The following BMPER variants were observed in gnomAD, a reference collection of about 807,000 sequenced individuals.
BMPER encodes BMP binding endothelial regulator, also known as BMP-binding endothelial regulator protein.
In BMPER, 45 loss-of-function variants were observed where a neutral mutation model predicts 87.3. The observed-to-expected ratio is 0.52, with a 90% CI of 0.41 to 0.66. The LOEUF (loss-of-function observed/expected upper bound fraction) is 0.66, where lower values mean the gene tolerates loss of function less well. BMPER is among the 30% of genes least tolerant of loss of function. BMPER has a pLI of 0.00. For synonymous variants in BMPER, 326 were observed against 316.2 expected, an observed-to-expected ratio of 1.03 and a Z score of -0.33; for missense variants, 784 against 867.5, an observed-to-expected ratio of 0.90 and a Z score of 1.21.
chr7:34,052,011 G>C (rs1788158255), intron 8 of BMPER, 41 bp downstream of exon 8: 1 of 1,547,948 alleles, frequency 6.5e-7, no homozygotes, highest in Admixed American at 1.7e-5. Flanking sequence ...CAATGATAGG[G>C]TTTGGGTTTC....
chr7:34,055,398 T>C, intron 9 of BMPER, 95 bp downstream of exon 9: 1 of 1,477,310 alleles, frequency 6.8e-7, no homozygotes, highest in Non-Finnish European at 9.4e-7. Context: ...TCCCATAATT[T>C]CTATATACAT....
intron 14 of BMPER, among the ~76,000 whole-genome samples, chr7:34,144,138 C>T (rs1403806591): frequency 6.6e-6 from 1 of 152,132 alleles, no homozygotes. Flanking sequence ...GATGATATTT[C>T]AGCCTAGCCC....
chr7:33,962,575 G>A (rs984386443), intron 3 of BMPER, among the ~76,000 whole-genome samples: 2 of 152,156 alleles, frequency 1.3e-5, no homozygotes, highest in Non-Finnish European at 2.9e-5. Context: ...AACCCAAGAT[G>A]TCTCCTAATG....
chr7:33,988,215 G>A (rs940364561), intron 6 of BMPER, among the ~76,000 whole-genome samples: 4 of 152,134 alleles, frequency 2.6e-5, no homozygotes, highest in African/African-American at 9.7e-5. Flanking sequence ...ACCAGTTGGG[G>A]TGATGAATGT....
At chr7:33,946,092 C>G (rs1378912867) in intron 3 of BMPER, among the ~76,000 whole-genome samples, 1 of 152,134 alleles carries the variant, frequency 6.6e-6, no homozygotes, top group Non-Finnish European at 1.5e-5. Flanking sequence ...CTAGGGAGGC[C>G]TCAGGAAAAG....
chr7:34,150,963 A>G (rs112082040), intron 14 of BMPER, among the ~76,000 whole-genome samples: 8 of 152,326 alleles, frequency 5.3e-5, no homozygotes, highest in African/African-American at 1.9e-4. Context: ...CAATCAAGGA[A>G]CATCCATCCC....
intron 2 of BMPER, chr7:33,921,928 C>A (rs1338661636): frequency 2.2e-6 from 1 of 453,956 alleles, no homozygotes; most frequent in Non-Finnish European, 4.6e-6. Context: ...CACCCCAACC[C>A]CTTCGACTCC....
rs551217598 is a variant in BMPER, at chr7:34,080,140, A to G, written c.1408+954A>G. 1.4e-3 allele frequency among the ~76,000 whole-genome samples: 211 copies of G among 152,300 alleles called. 1 individual carries two copies. Among genetic ancestry groups the G allele is most frequent in the African/African-American group, 4.8e-3 (201 of 41,548 alleles). ...AAAGCATGATACTTCTAAGGAAATC[A>G]GTGTATTTCTTGCTGTTTGCATTGA... On this transcript the variant is annotated intron_variant, in intron 12 of 14. Coordinates refer to ENST00000649409, the MANE Select transcript of BMPER (RefSeq NM_001365308.1).
Position 34,078,968 on chromosome 7 carries a change from C to T in BMPER, c.1190C>T (p.Pro397Leu). ...QYVLTKDCSS[P>L]ASPFQVLVKN... The stretch of plus-strand genomic sequence containing the variant: ...GTTTTGACAAAAGACTGCTCCTCCC[C>T]TGCCTCGCCCTTCCAGGTGCTGGTG... The change falls in exon 12 of 15, where the codon CCT (proline) becomes CTT (leucine). Residue 397 changes from proline to leucine, a missense_variant. Physicochemically the swap from Pro to Leu is moderately conservative, Grantham distance 98. Transcript: ENST00000649409. 6.2e-7 allele frequency: 1 copy of T among 1,614,262 alleles called. No homozygotes were observed. The highest frequency in any genetic ancestry group is 8.5e-7 in the Non-Finnish European group (1 of 1,180,052).
chr7:34,077,204 T>C (rs1183002209), intron 11 of BMPER, among the ~76,000 whole-genome samples: 1 of 152,088 alleles, frequency 6.6e-6, no homozygotes, highest in Non-Finnish European at 1.5e-5. Flanking sequence ...AAATGTGGGA[T>C]AGGATGATTT....
At chr7:33,990,660 G>T (rs1786183234) in intron 6 of BMPER, among the ~76,000 whole-genome samples, 1 of 150,500 alleles carries the variant, frequency 6.6e-6, no homozygotes, top group Non-Finnish European at 1.5e-5. Context: ...ATGTTGAATA[G>T]GAGTGGTGAG....
chr7:34,053,604 A>G (rs1185223819), intron 8 of BMPER, among the ~76,000 whole-genome samples: 2 of 152,252 alleles, frequency 1.3e-5, no homozygotes, highest in Non-Finnish European at 2.9e-5. Context: ...ATAATGAAGT[A>G]AGCTAGAGAA....
chr7:33,949,186 C>G (rs1449488774), intron 3 of BMPER, among the ~76,000 whole-genome samples: 12 of 152,040 alleles, frequency 7.9e-5, no homozygotes, highest in African/African-American at 2.2e-4. Context: ...CTGCTTATTA[C>G]TGCAGCAGTG....
intron 6 of BMPER, among the ~76,000 whole-genome samples, chr7:33,989,545 T>C (rs1159693461): frequency 2.8e-4 from 42 of 152,210 alleles, no homozygotes; most frequent in Admixed American, 2.7e-3. Context: ...GTTGCGAAAT[T>C]TTTCTCCCAT....
chr7:33,956,320 A>G (rs1480999730), intron 3 of BMPER, among the ~76,000 whole-genome samples: 1 of 152,244 alleles, frequency 6.6e-6, no homozygotes, highest in Non-Finnish European at 1.5e-5. Flanking sequence ...AAAGATATGA[A>G]GAGACATTTC....
In BMPER at chr7:34,079,038, G is replaced by C; in HGVS notation, c.1260G>C (p.Ser420=). The C allele has an allele frequency of 6.2e-7, 1 of 1,614,200 alleles. No homozygotes were observed. Among genetic ancestry groups the C allele is most frequent in the South Asian group, 1.1e-5 (1 of 91,084 alleles). Residue 420 remains serine, a synonymous_variant, in exon 12 of 15, where the codon TCG becomes TCC. Transcript: ENST00000649409. ...CACGCTCCTTCTCGTGGACCAAGTC[G>C]GTGGAGCTGGTGCTGGGCGAGAGCA... ...RRTRSFSWTK[S]VELVLGESRV...
chr7:34,007,885 T>C (rs960504714), intron 6 of BMPER, among the ~76,000 whole-genome samples: 1 of 151,970 alleles, frequency 6.6e-6, no homozygotes, highest in Non-Finnish European at 1.5e-5. Context: ...GTGAAACTGC[T>C]CTTTTTGAAG....
At chr7:33,954,237 G>A (rs1299192333) in intron 3 of BMPER, among the ~76,000 whole-genome samples, 2 of 152,018 alleles carry the variant, frequency 1.3e-5, no homozygotes, top group African/African-American at 4.8e-5. Flanking sequence ...TGTGACTGTT[G>A]GTATGCTTAA....
At chr7:33,966,664 G>C in intron 4 of BMPER, 103 bp downstream of exon 4, 13 of 1,110,880 alleles carry the variant, frequency 1.2e-5, no homozygotes, top group Non-Finnish European at 5.3e-6. Flanking sequence ...AGGCCAAACA[G>C]AAATGAAAAA....
Sources: allele counts gnomAD v4.1 joint callset (sites outside exome capture counted in the v4.1 genomes callset), GRCh38; gene constraint gnomAD v4.1.1; transcripts MANE v1.5; gene names NCBI Gene and HGNC (gene_info 2026-07-23, HGNC 2026-07-21).